The following CDH13 variants were observed in gnomAD, a reference collection of about 807,000 sequenced individuals.
CDH13 encodes cadherin 13.
Under a neutral mutation model 63.8 loss-of-function variants are expected in CDH13, and 24 were observed. The observed-to-expected ratio is 0.38, with a 90% CI of 0.27 to 0.53. CDH13 has a LOEUF of 0.53. Ranked by LOEUF, CDH13 falls within the 20% of genes least tolerant of loss-of-function variation. The pLI, the probability that CDH13 is intolerant of heterozygous loss-of-function variation, is 0.85. For missense variants in CDH13, 1,049 were observed against 903.1 expected, an observed-to-expected ratio of 1.16 and a Z score of -2.07; for synonymous variants, 503 against 355.3, an observed-to-expected ratio of 1.42 and a Z score of -4.67.
At chr16:83,700,495 G>A (rs905356852) in intron 10 of CDH13, among the ~76,000 whole-genome samples, 4 of 152,342 alleles carry the variant, frequency 2.6e-5, no homozygotes, top group African/African-American at 7.2e-5. Flanking sequence ...AGGCACTGTT[G>A]TTAGGGACAG....
At chr16:83,028,398 G>T (rs1400314774) in intron 2 of CDH13, among the ~76,000 whole-genome samples, 1 of 152,170 alleles carries the variant, frequency 6.6e-6, no homozygotes, top group Admixed American at 6.5e-5. Context: ...CTCTAAAGCT[G>T]ACTTAACCAC....
At chr16:83,658,137 C>G (rs1913056857) in intron 8 of CDH13, among the ~76,000 whole-genome samples, 1 of 145,250 alleles carries the variant, frequency 6.9e-6, no homozygotes, top group Admixed American at 6.8e-5. Context: ...CCAGCAAGGT[C>G]TCATGTCCTC....
intron 1 of CDH13, among the ~76,000 whole-genome samples, chr16:82,736,839 C>T (rs969102537): frequency 6.6e-6 from 1 of 152,190 alleles, no homozygotes; most frequent in African/African-American, 2.4e-5. Context: ...GGGGTTCCCA[C>T]ACCTGGTCAG....
chr16:83,511,581 A>G (rs1276187964), intron 7 of CDH13, among the ~76,000 whole-genome samples: 1 of 152,250 alleles, frequency 6.6e-6, no homozygotes, highest in African/African-American at 2.4e-5. Context: ...CAGAGTGAAC[A>G]AAATTGAGTA....
chr16:83,586,917 A>G (rs1906218769), intron 7 of CDH13, among the ~76,000 whole-genome samples: 1 of 152,138 alleles, frequency 6.6e-6, no homozygotes, highest in Non-Finnish European at 1.5e-5. Flanking sequence ...GAATTAGTTC[A>G]ATTTATTTTC....
chr16:83,033,153 C>T (rs1230377225), intron 3 of CDH13, among the ~76,000 whole-genome samples: 2 of 152,174 alleles, frequency 1.3e-5, no homozygotes, highest in African/African-American at 2.4e-5. Flanking sequence ...TATACATCCA[C>T]ATTTAATATA....
chr16:83,717,676 T>C (rs1188381443), intron 10 of CDH13: 2 of 152,566 alleles, frequency 1.3e-5, no homozygotes, highest in East Asian at 3.9e-4. Context: ...GTGGCGACGA[T>C]AATTCCTTCC....
intron 3 of CDH13, among the ~76,000 whole-genome samples, chr16:83,059,915 TC>T (rs899773892): frequency 4.0e-5 from 6 of 149,126 alleles, no homozygotes; most frequent in Admixed American, 2.7e-4. Flanking sequence ...TGCCTCAGCC[TC>T]CCGAGTAGCT....
In CDH13 at chr16:83,217,353, T is replaced by C. The variant is rs777797287; in HGVS notation, c.492T>C (p.Asp164=). 4.3e-6 allele frequency: 7 copies of C among 1,613,908 alleles called. No individual in the cohort carries two copies. The highest frequency in any genetic ancestry group is 2.2e-5 in the South Asian group (2 of 91,082). The change falls in exon 5 of 14, where the codon GAT becomes GAC. Residue 164 remains aspartate (D), a synonymous_variant. Coordinates refer to ENST00000567109, the MANE Select transcript of CDH13 (RefSeq NM_001257.5). ...PFPRDVGKVV[D]SDRPERSKFR... is the part of the protein sequence containing the mutation. ...TCTGTTTTTCTGACTAGGTAGTCGATAGTGACAGGCCAGAAAGGTCCAAGT... is the reference window on the plus strand; with the variant it reads ...TCTGTTTTTCTGACTAGGTAGTCGACAGTGACAGGCCAGAAAGGTCCAAGT...
chr16:82,718,671 A>C (rs1338942479), intron 1 of CDH13, among the ~76,000 whole-genome samples: 1 of 152,160 alleles, frequency 6.6e-6, no homozygotes, highest in African/African-American at 2.4e-5. Context: ...TGAAAGGCAC[A>C]TCTCACATGG....
intron 3 of CDH13, among the ~76,000 whole-genome samples, chr16:83,104,996 C>G (rs1005660953): frequency 1.3e-5 from 2 of 152,124 alleles, no homozygotes; most frequent in African/African-American, 4.8e-5. Context: ...TTCTCTCTCT[C>G]TTTTGGCATT....
At position 83,439,199 on chromosome 16, in the gene CDH13, C is replaced by T. The variant is rs376555265; in HGVS notation, c.782-47278C>T. On this transcript the variant is annotated intron_variant, in intron 6 of 13. Coordinates refer to ENST00000567109, the MANE Select transcript of CDH13 (RefSeq NM_001257.5). ...TATTCTAATGTTTTATTGGAAAGAA[C>T]GGTGTCTGGCACATAGCAATTAACC... is the stretch of plus-strand genomic sequence containing the variant. Among the ~76,000 whole-genome samples, 12 of 152,102 alleles carry T rather than the reference C, an allele frequency of 7.9e-5. No individual in the cohort carries two copies. In the East Asian group the frequency reaches 9.6e-4, roughly 12 times the overall value.
Position 83,021,602 on chromosome 16 carries a change from G to A in CDH13, c.158-10408G>A, listed in dbSNP as rs78520430. ...GGTTTCTGCTGAAGATTGTTGGACT[G>A]TATCATTCATTATGATATCTTCTGC... On this transcript the variant is annotated intron_variant, in intron 2 of 13. Transcript: ENST00000567109. Among the ~76,000 whole-genome samples, 52 of 152,304 alleles carry A rather than the reference G, an allele frequency of 3.4e-4. 1 individual carries two copies. The East Asian group carries it at 0.01, about 29-fold the overall frequency.
At chr16:83,152,245 C>T (rs116886698) in intron 4 of CDH13, among the ~76,000 whole-genome samples, 1 of 152,114 alleles carries the variant, frequency 6.6e-6, no homozygotes, top group Admixed American at 6.5e-5. Flanking sequence ...AACTAGTGCT[C>T]TCTTGAAAAC....
chr16:83,470,059 T>G (rs80131246), intron 6 of CDH13, among the ~76,000 whole-genome samples: 3,827 of 152,284 alleles, frequency 0.025, 160 homozygotes, highest in African/African-American at 0.086. Flanking sequence ...CAAGATATCC[T>G]GCTTCAGATC....
At chr16:83,698,579 G>A (rs1228334758) in intron 10 of CDH13, among the ~76,000 whole-genome samples, 1 of 152,190 alleles carries the variant, frequency 6.6e-6, no homozygotes, top group Non-Finnish European at 1.5e-5. Flanking sequence ...GCTGCTCTTG[G>A]AAGTCCATTC....
At chr16:82,788,529 G>C (rs896077849) in intron 1 of CDH13, among the ~76,000 whole-genome samples, 1 of 152,226 alleles carries the variant, frequency 6.6e-6, no homozygotes, top group African/African-American at 2.4e-5. Context: ...TAGGGAATCA[G>C]ACTGAATTAG....
chr16:83,436,821 T>C (rs1485210569), intron 6 of CDH13, among the ~76,000 whole-genome samples: 1 of 152,236 alleles, frequency 6.6e-6, no homozygotes, highest in Non-Finnish European at 1.5e-5. Flanking sequence ...CACAGCTCAG[T>C]TGTGACATTT....
At chr16:83,049,321 G>A (rs1307816053) in intron 3 of CDH13, among the ~76,000 whole-genome samples, 1 of 115,022 alleles carries the variant, frequency 8.7e-6, no homozygotes, top group Non-Finnish European at 1.8e-5. Context: ...TTTATGACTG[G>A]CCTCTTTTTT....
Sources: allele counts gnomAD v4.1 joint callset (sites outside exome capture counted in the v4.1 genomes callset), GRCh38; gene constraint gnomAD v4.1.1; transcripts MANE v1.5; gene names NCBI Gene and HGNC (gene_info 2026-07-23, HGNC 2026-07-21).